The following ZNF91 variants were observed in gnomAD, a reference collection of about 807,000 sequenced individuals.
ZNF91 encodes the protein zinc finger protein 91, also known as zinc finger protein 91 (HPF7, HTF10).
In ZNF91, 7 loss-of-function variants were observed where a neutral mutation model predicts 12.6. That is an observed-to-expected ratio of 0.55 (90% CI 0.31 to 1.04). ZNF91 has a LOEUF of 1.04. Ranked by LOEUF, ZNF91 falls within the 50% of genes least tolerant of loss-of-function variation. The pLI is 0.05. For missense variants in ZNF91, 1,217 were observed against 1,385.4 expected (o/e 0.88, Z 1.93); for synonymous variants, 453 against 462.6 (o/e 0.98, Z 0.27).
intron 1 of ZNF91, among the ~76,000 whole-genome samples, chr19:23,381,184 G>T (rs1969701413): frequency 6.6e-6 from 1 of 151,956 alleles, no homozygotes; most frequent in Non-Finnish European, 1.5e-5. Context: ...AATGTATGTA[G>T]GATTTTAAAA....
chr19:23,360,881 T>C lies in ZNF91; in HGVS notation c.2098A>G (p.Thr700Ala), dbSNP rs775694284. 11 of 1,613,774 alleles carry C rather than the reference T, an allele frequency of 6.8e-6. 1 individual carries two copies. The highest frequency in any genetic ancestry group is 4.4e-5 in the South Asian group (4 of 91,070). ...ECDKTFKRLSTLTKHKIIHAG... is the reference protein window; with the variant it reads ...ECDKTFKRLSALTKHKIIHAG... ...TGTATTATTTTATGTTTAGTAAGGG[T>C]TGAGAGTCGCTTAAAAGTTTTGTCA... Residue 700 changes from threonine to alanine, a missense_variant, in exon 4 of 4, where the codon ACC becomes GCC. Around this residue, in one of 2 missense-constraint regions of ZNF91, gnomAD observed 726 missense variants for 895.5 expected, o/e 0.81. Coordinates refer to ENST00000300619, the MANE Select transcript of ZNF91 (RefSeq NM_003430.4).
downstream of ZNF91, among the ~76,000 whole-genome samples, chr19:23,355,720 T>C (rs142985655): frequency 1.2e-4 from 18 of 152,216 alleles, 1 homozygote; most frequent in African/African-American, 4.1e-4. Context: ...AATGGATTAG[T>C]ATCCAGAATC....
upstream of ZNF91, among the ~76,000 whole-genome samples, chr19:23,313,713 T>A (rs1182458194): frequency 6.6e-6 from 1 of 152,210 alleles, no homozygotes; most frequent in East Asian, 1.9e-4. Flanking sequence ...AGGTTCTGAA[T>A]CTCACATTAG....
In ZNF91 at chr19:23,384,837, C is replaced by A; in HGVS notation, c.31-10073G>T. On this transcript the variant is annotated intron_variant, in intron 1 of 3. Coordinates refer to ENST00000300619, the MANE Select transcript of ZNF91 (RefSeq NM_003430.4). ...TCACAGAAACACCCTCCTCAGTGGT[C>A]AAAAATACCATCTCCCTCACGATCA... is the stretch of plus-strand genomic sequence containing the variant. The A allele has an allele frequency of 4.2e-6, 3 of 716,946 alleles. No individual in the cohort carries two copies. In the South Asian group the frequency reaches 4.5e-5, roughly 11 times the overall value. 44.4% of individuals were successfully genotyped at this position (716,946 alleles called of 1,614,324 possible). A position where few individuals can be genotyped will look rare whatever the true frequency, so the allele number is the denominator to read the frequency against.
At chr19:23,341,563 G>C (rs1454419508) in intron 3 of ZNF91, among the ~76,000 whole-genome samples, 1 of 151,822 alleles carries the variant, frequency 6.6e-6, no homozygotes, top group African/African-American at 2.4e-5. Flanking sequence ...CTAAAAAATG[G>C]TTGAAAGAGT....
At chr19:23,393,378 T>C (rs1970132468) in intron 1 of ZNF91, among the ~76,000 whole-genome samples, 1 of 152,194 alleles carries the variant, frequency 6.6e-6, no homozygotes, top group African/African-American at 2.4e-5. Flanking sequence ...TGAGAGAATA[T>C]GACCCAGAAG....
At chr19:23,337,642 GA>G (rs971135945), downstream of ZNF91, among the ~76,000 whole-genome samples, 2 of 150,512 alleles carry the variant, frequency 1.3e-5, no homozygotes, top group African/African-American at 2.4e-5. Flanking sequence ...AGTACTCTAA[GA>G]AAAAAAAATT....
intron 1 of ZNF91, among the ~76,000 whole-genome samples, chr19:23,315,754 C>G (rs1371833268): frequency 6.6e-6 from 1 of 152,164 alleles, no homozygotes; most frequent in African/African-American, 2.4e-5. Context: ...CCCTACCTAC[C>G]AGAGACATTG....
chr19:23,357,532 C>T (rs1014360354), downstream of ZNF91, among the ~76,000 whole-genome samples: 1 of 152,182 alleles, frequency 6.6e-6, no homozygotes, highest in Admixed American at 6.5e-5. Context: ...AAACACACTC[C>T]ATAATTTATT....
At chr19:23,344,813 C>T (rs1431576801) in intron 3 of ZNF91, among the ~76,000 whole-genome samples, 3 of 152,214 alleles carry the variant, frequency 2.0e-5, no homozygotes, top group Non-Finnish European at 4.4e-5. Flanking sequence ...GCCCCTTGCA[C>T]CAGCAGCGTG....
At chr19:23,324,871 G>C (rs1967808801) in intron 1 of ZNF91, 1 of 151,952 alleles carries the variant, frequency 6.6e-6, no homozygotes, top group Non-Finnish European at 1.5e-5. Context: ...TTGCAAAATT[G>C]TTACATAACT....
downstream of ZNF91, among the ~76,000 whole-genome samples, chr19:23,335,663 G>T (rs1239361112): frequency 6.6e-6 from 1 of 152,184 alleles, no homozygotes; most frequent in Non-Finnish European, 1.5e-5. Context: ...CGTTTGCTAA[G>T]ACCGTTGGAA....
chr19:23,342,122 C>T, intron 3 of ZNF91: 1 of 397,218 alleles, frequency 2.5e-6, no homozygotes, highest in South Asian at 7.1e-5. Context: ...TTCTTTCTGA[C>T]CTTCGTATCC....
At chr19:23,392,022 T>C (rs1970080044) in intron 1 of ZNF91, among the ~76,000 whole-genome samples, 1 of 152,190 alleles carries the variant, frequency 6.6e-6, no homozygotes, top group South Asian at 2.1e-4. Flanking sequence ...ATCTTATACC[T>C]CAGTAAGAAA....
rs1044095 is a variant in ZNF91 at position 23,362,448 on chromosome 19, A to G, written c.531T>C (p.Thr177=). ...LNSNRHTIRH[T]GKKCFKCKKC... is the part of the protein sequence containing the mutation. ...TTTTACATTTGAAGCATTTCTTTCC[A>G]GTATGTCTTATCGTATGTCTGTTTG... The change falls in exon 4 of 4, where the codon ACT becomes ACC. Residue 177 remains threonine (T), a synonymous_variant. Transcript: ENST00000300619. The G allele has an allele frequency of 0.56, 899,128 of 1,613,060 alleles. 259,112 individuals are homozygous for G. The highest frequency in any genetic ancestry group is 0.6 in the Non-Finnish European group (702,968 of 1,179,656).
downstream of ZNF91, among the ~76,000 whole-genome samples, chr19:23,354,588 C>T (rs374341308): frequency 1.3e-5 from 2 of 152,266 alleles, no homozygotes; most frequent in South Asian, 2.1e-4. Flanking sequence ...TCTCACTACT[C>T]CTCTTCAACA....
intron 1 of ZNF91, among the ~76,000 whole-genome samples, chr19:23,322,202 G>A (rs1967711176): frequency 6.6e-6 from 1 of 152,172 alleles, no homozygotes; most frequent in African/African-American, 2.4e-5. Context: ...CCCACAGAAG[G>A]CATTGTGCCA....
intron 1 of ZNF91, among the ~76,000 whole-genome samples, chr19:23,381,751 C>T (rs1006797000): frequency 3.3e-5 from 5 of 152,070 alleles, no homozygotes; most frequent in East Asian, 1.9e-4. Context: ...TGAGCCACCG[C>T]GCCCAGCCAT....
In ZNF91 at chr19:23,359,470, G is replaced by A. The variant is rs374473001; in HGVS notation, c.3509C>T (p.Ala1170Val). ...PVIPLLWEAE[A>V]GGSRGQEMET... ...CATCTCCTGACCTCGTGATCCGCCC[G>A]CCTCGGCCTCCCAAAGTAGTGGGAT... is the stretch of plus-strand genomic sequence containing the variant. The change falls in exon 4 of 4, where the codon GCG (alanine) becomes GTG (valine). Residue 1170 changes from alanine to valine, a missense_variant. Ala to Val is a moderately conservative substitution (Grantham distance 64). Transcript: ENST00000300619. 2.5e-5 allele frequency: 39 copies of A among 1,588,928 alleles called. No individual in the cohort carries two copies. Among genetic ancestry groups the A allele is most frequent in the East Asian group, 1.8e-4 (8 of 44,694 alleles).
Sources: gnomAD v4.1 joint callset for allele counts (sites outside exome capture counted in the v4.1 genomes callset) on GRCh38, gnomAD v4.1.1 for gene constraint, gnomAD v4.1.1 regional missense constraint, MANE v1.5 for transcripts, NCBI Gene and HGNC (gene_info 2026-07-23, HGNC 2026-07-21) for gene names.